The following ASPSCR1 variants were observed in gnomAD, a reference collection of about 807,000 sequenced individuals.
ASPSCR1 encodes ASPSCR1 tether for SLC2A4, UBX domain containing, also known as tether containing UBX domain for GLUT4.
Under a neutral mutation model 68.9 loss-of-function variants are expected in ASPSCR1, and 55 were observed. The observed-to-expected ratio is 0.80, with a 90% CI of 0.64 to 1.00. ASPSCR1 has a LOEUF of 1.00. ASPSCR1 is among the 50% of genes least tolerant of loss of function. ASPSCR1 has a pLI of 0.00. For synonymous variants in ASPSCR1, 352 were observed against 332.6 expected, an observed-to-expected ratio of 1.06 and a Z score of -0.63; for missense variants, 765 against 762.2, an observed-to-expected ratio of 1.00 and a Z score of -0.04.
In ASPSCR1 at chr17:82,016,456, GC is replaced by G. The variant is rs1250614818; in HGVS notation, c.1354-14del. Reference sequence around the variant, plus strand: ...TGCTCTGCCCACACCCGGCCCCTGAGCCCCCCGCCCTCCCTGCAGGCGAACC... The same window carrying G: ...TGCTCTGCCCACACCCGGCCCCTGAGCCCCCGCCCTCCCTGCAGGCGAACC... On this transcript the variant is annotated intron_variant, in intron 12 of 15. Transcript: ENST00000306739. 3.9e-6 allele frequency: 6 copies of G among 1,546,014 alleles called. No homozygotes were observed. The highest frequency in any genetic ancestry group is 3.6e-5 in the South Asian group (3 of 83,896).
At chr17:82,015,456 C>T (rs1220617068) in intron 12 of ASPSCR1, 2 of 1,406,480 alleles carry the variant, frequency 1.4e-6, no homozygotes, top group Non-Finnish European at 9.5e-7. Flanking sequence ...CCTGGTGTTC[C>T]CGAGTCCTGC....
chr17:82,015,046 G>A, intron 12 of ASPSCR1: 5 of 1,578,006 alleles, frequency 3.2e-6, no homozygotes, highest in African/African-American at 1.3e-5. Context: ...CTGGCTGGGG[G>A]GACGGTGTGA....
chr17:82,000,248 G>T (rs1462561744), intron 7 of ASPSCR1, among the ~76,000 whole-genome samples: 1 of 152,254 alleles, frequency 6.6e-6, no homozygotes, highest in East Asian at 1.9e-4. Context: ...AGAGCGTGGG[G>T]CGTGGAGCAT....
chr17:81,988,199 G>A (rs1444231905), intron 4 of ASPSCR1, among the ~76,000 whole-genome samples: 4 of 146,532 alleles, frequency 2.7e-5, no homozygotes, highest in African/African-American at 7.6e-5. Flanking sequence ...GATGGCTCAC[G>A]CCTGTAATTC....
intron 2 of ASPSCR1, among the ~76,000 whole-genome samples, chr17:81,981,576 A>G (rs2041796885): frequency 6.6e-6 from 1 of 151,980 alleles, no homozygotes; most frequent in South Asian, 2.1e-4. Flanking sequence ...ACGGGGTTTC[A>G]CCATGTTGGT....
intron 13 of ASPSCR1, 128 bp from the exon 14 acceptor site, chr17:82,016,670 CGA>C: frequency 1.4e-6 from 2 of 1,438,972 alleles, no homozygotes; most frequent in East Asian, 5.0e-5. Flanking sequence ...ACCACCTCCC[CGA>C]GAGAGGACTG....
intron 13 of ASPSCR1, 108 bp from the exon 14 acceptor site, chr17:82,016,692 C>T (rs910989579): frequency 1.0e-5 from 15 of 1,457,502 alleles, no homozygotes; most frequent in African/African-American, 1.4e-5. Context: ...GGGACAGCCA[C>T]CTGCTGGCCA....
chr17:81,997,722 C>T (rs979994787), intron 7 of ASPSCR1, among the ~76,000 whole-genome samples: 1 of 150,446 alleles, frequency 6.6e-6, no homozygotes, highest in African/African-American at 2.4e-5. Flanking sequence ...ATCTCTTGAC[C>T]TTGTGATCCA....
At chr17:82,008,814 G>C (rs768298348) in intron 7 of ASPSCR1, 2 of 505,512 alleles carry the variant, frequency 4.0e-6, no homozygotes, top group Non-Finnish European at 6.7e-6. Context: ...TGGGAGAGGG[G>C]GGTCTCCAGC....
At chr17:82,007,288 G>C (rs938019508) in intron 7 of ASPSCR1, 2 of 152,250 alleles carry the variant, frequency 1.3e-5, no homozygotes, top group African/African-American at 4.8e-5. Flanking sequence ...ACAGACAGAG[G>C]CTTCCTGAGC....
rs1166803126 is a variant in ASPSCR1, at chr17:81,999,065, C to G, written c.933+2219C>G. Among the ~76,000 whole-genome samples the G allele has an allele frequency of 6.6e-6, 1 of 152,268 alleles. No homozygotes were observed. The highest frequency in any genetic ancestry group is 1.5e-5 in the Non-Finnish European group (1 of 68,056). On this transcript the variant is annotated intron_variant, in intron 7 of 15. Transcript: ENST00000306739. The surrounding 1 kb of genome is among the most constrained non-coding windows in gnomAD (Gnocchi z 4.4). ...AGCCCTGCACCTGGGCTGCTGAAAC[C>G]TGACTTCCTCAGCTTCCTCACCTGC...
At chr17:81,993,583 CG>C (rs370541724) in intron 4 of ASPSCR1, among the ~76,000 whole-genome samples, 12 of 152,340 alleles carry the variant, frequency 7.9e-5, no homozygotes, top group Admixed American at 2.0e-4. Flanking sequence ...TGGACCCCTG[CG>C]GCCCTGTAAG....
At chr17:82,000,486 A>G (rs1008963053) in intron 7 of ASPSCR1, among the ~76,000 whole-genome samples, 1 of 152,188 alleles carries the variant, frequency 6.6e-6, no homozygotes, top group South Asian at 2.1e-4. Flanking sequence ...GCCCGGGGCC[A>G]CATGCCGCTG....
Position 81,978,921 on chromosome 17 carries a change from TTGCTGTAC to T in ASPSCR1, c.103-259_103-252del. The T allele has an allele frequency of 5.4e-6, 3 of 557,432 alleles. No individual in the cohort carries two copies. The South Asian group carries it at 6.1e-5, about 11-fold the overall frequency. 34.5% of individuals were successfully genotyped at this position (557,432 alleles called of 1,614,324 possible). A position where few individuals can be genotyped will look rare whatever the true frequency, so the allele number is the denominator to read the frequency against. On this transcript the variant is annotated intron_variant, in intron 1 of 15. Coordinates refer to ENST00000306739, the MANE Select transcript of ASPSCR1 (RefSeq NM_024083.4). Reference sequence around the variant, plus strand: ...GGTGTGTGCCAGGAAGATGCCCGTGTTGCTGTACTGCAGGGGAACTCTGAGTGGAGCTT... The same window carrying T: ...GGTGTGTGCCAGGAAGATGCCCGTGTTGCAGGGGAACTCTGAGTGGAGCTT...
At chr17:82,014,873 G>A (rs554407216) in intron 12 of ASPSCR1, 21 of 671,324 alleles carry the variant, frequency 3.1e-5, no homozygotes, top group South Asian at 9.9e-5. Flanking sequence ...GGGAGGGGCC[G>A]GCTCCAGGCC....
At chr17:82,012,601 C>G (rs2144098206) in intron 12 of ASPSCR1, among the ~76,000 whole-genome samples, 1 of 152,232 alleles carries the variant, frequency 6.6e-6, no homozygotes, top group East Asian at 1.9e-4. Context: ...AGTCCCTGCC[C>G]AGGGGTCTGG....
At chr17:81,996,105 T>TA (rs374754411) in intron 6 of ASPSCR1, 40 bp downstream of exon 6, 16,124 of 1,101,508 alleles carry the variant, frequency 0.015, 1 homozygote, top group East Asian at 0.032. Context: ...TCTATTTAGC[T>TA]AAAAAAAAAA....
intron 1 of ASPSCR1, chr17:81,978,550 T>C (rs2041689242): frequency 6.6e-6 from 1 of 151,568 alleles, no homozygotes; most frequent in African/African-American, 2.4e-5. Context: ...AAAGTATTTA[T>C]TGAGCCTCTG....
At chr17:81,985,417 C>T (rs2041964144) in intron 3 of ASPSCR1, 90 bp from the exon 4 acceptor site, 9 of 1,392,064 alleles carry the variant, frequency 6.5e-6, no homozygotes, top group Non-Finnish European at 8.0e-6. Flanking sequence ...GGGGCAGTCA[C>T]CCTCTCTGTG....
Sources: gnomAD v4.1 joint callset for allele counts (sites outside exome capture counted in the v4.1 genomes callset) on GRCh38, gnomAD v4.1.1 for gene constraint, Gnocchi (gnomAD v3.1) non-coding constraint, MANE v1.5 for transcripts, NCBI Gene and HGNC (gene_info 2026-07-23, HGNC 2026-07-21) for gene names.